PTPRK: variants seen among roughly 807,000 people sequenced by gnomAD.
PTPRK encodes the protein protein tyrosine phosphatase receptor type K.
Under a neutral mutation model 178.0 loss-of-function variants are expected in PTPRK, and 75 were observed. The ratio of observed to expected loss-of-function variants is 0.42; its 90% CI spans 0.35 to 0.51. PTPRK has a LOEUF of 0.51. Ranked by LOEUF, PTPRK falls within the 20% of genes least tolerant of loss-of-function variation. PTPRK has a pLI of 0.02. For synonymous variants in PTPRK, 637 were observed against 620.6 expected (o/e 1.03, Z -0.39); for missense variants, 1,441 against 1,797.8 (o/e 0.80, Z 3.59).
At chr6:128,010,371 A>T (rs1415568383) in intron 13 of PTPRK, among the ~76,000 whole-genome samples, 2 of 151,230 alleles carry the variant, frequency 1.3e-5, no homozygotes, top group Admixed American at 1.3e-4. Flanking sequence ...TACGCAAAGA[A>T]ATCTCTAAAC....
intron 3 of PTPRK, among the ~76,000 whole-genome samples, chr6:128,288,345 C>A (rs376910411): frequency 6.6e-6 from 1 of 152,096 alleles, no homozygotes; most frequent in Non-Finnish European, 1.5e-5. Flanking sequence ...TACATCTATA[C>A]GCTTTGGATA....
At chr6:128,458,825 T>A (rs1434026674) in intron 1 of PTPRK, among the ~76,000 whole-genome samples, 1 of 152,190 alleles carries the variant, frequency 6.6e-6, no homozygotes, top group Non-Finnish European at 1.5e-5. Flanking sequence ...TGCTTACATA[T>A]GTGAAAGAAA....
intron 7 of PTPRK, among the ~76,000 whole-genome samples, chr6:128,125,771 G>C (rs1272258344): frequency 6.6e-6 from 1 of 151,478 alleles, no homozygotes; most frequent in Non-Finnish European, 1.5e-5. Context: ...CACCATACCT[G>C]GCTAATTTTT....
At position 127,969,409 on chromosome 6, in the gene PTPRK, G is replaced by A. The variant is rs1489695364; in HGVS notation, c.*818C>T. ...ATTTAATTCACAAGCATGTACACAA[G>A]AGAATCACTATAAAGAACATTGCTT... On this transcript the variant is annotated 3_prime_UTR_variant, in exon 30 of 30. Transcript: ENST00000368226. 6.6e-6 allele frequency: 1 copy of A among 152,088 alleles called. No individual in the cohort carries two copies. Among genetic ancestry groups the A allele is most frequent in the Non-Finnish European group, 1.5e-5 (1 of 68,012 alleles). 9.4% of individuals were successfully genotyped at this position (152,088 alleles called of 1,614,324 possible). A position where few individuals can be genotyped will look rare whatever the true frequency, so the allele number is the denominator to read the frequency against.
Position 127,970,141 on chromosome 6 carries a change from CT to C in PTPRK, c.*85del, listed in dbSNP as rs1377319166. 1 of 1,067,312 alleles carries C rather than the reference CT, an allele frequency of 9.4e-7. No individual in the cohort carries two copies. The highest frequency in any genetic ancestry group is 1.6e-5 in the African/African-American group (1 of 61,210). The allele number at this position is 1,067,312 out of a possible 1,614,324, so 66.1% of individuals were successfully genotyped here. On this transcript the variant is annotated 3_prime_UTR_variant, in exon 30 of 30. Transcript: ENST00000368226. Reference sequence around the variant, plus strand: ...TCCCACCCCCCACATTAAAATCTTTCTGCACAAGTGTAACAGGTACAACAGC... The same window carrying C: ...TCCCACCCCCCACATTAAAATCTTTCGCACAAGTGTAACAGGTACAACAGC...
chr6:128,237,179 C>T (rs1813446036), intron 5 of PTPRK, among the ~76,000 whole-genome samples: 1 of 152,112 alleles, frequency 6.6e-6, no homozygotes, highest in Non-Finnish European at 1.5e-5. Context: ...GGCTGTTTTT[C>T]TAGTCTTTGT....
chr6:128,246,058 T>C lies in PTPRK; in HGVS notation c.496-3456A>G, dbSNP rs145715602. 4.4e-3 allele frequency among the ~76,000 whole-genome samples: 673 copies of C among 152,320 alleles called. 4 individuals are homozygous for C. Among genetic ancestry groups the C allele is most frequent in the African/African-American group, 0.015 (632 of 41,576 alleles). ...GTGCTATCTAAACTAAAAGGTGTGA[T>C]TGTCAACAGTGTAATACCTGAAGTC... On this transcript the variant is annotated intron_variant, in intron 3 of 29. Transcript: ENST00000368226.
intron 7 of PTPRK, among the ~76,000 whole-genome samples, chr6:128,119,959 T>C (rs1202933455): frequency 6.6e-6 from 1 of 151,972 alleles, no homozygotes; most frequent in Non-Finnish European, 1.5e-5. Context: ...TCTCTTTGTA[T>C]TAAAAATAAG....
chr6:128,164,407 T>C (rs1799105978), intron 7 of PTPRK, among the ~76,000 whole-genome samples: 1 of 151,324 alleles, frequency 6.6e-6, no homozygotes, highest in East Asian at 1.9e-4. Context: ...CTTCACCTAC[T>C]GGTTGTATAG....
intron 2 of PTPRK, among the ~76,000 whole-genome samples, chr6:128,333,249 T>C (rs1424563155): frequency 1.3e-5 from 2 of 152,176 alleles, no homozygotes; most frequent in African/African-American, 4.8e-5. Flanking sequence ...ACCTGTTGTC[T>C]GGATATACTT....
chr6:128,463,594 G>C (rs979501667), intron 1 of PTPRK, among the ~76,000 whole-genome samples: 2 of 152,034 alleles, frequency 1.3e-5, no homozygotes, highest in Non-Finnish European at 2.9e-5. Context: ...TATAAAACAA[G>C]TTTATACTTT....
At chr6:128,340,927 C>A in intron 2 of PTPRK, 1 of 239,712 alleles carries the variant, frequency 4.2e-6, no homozygotes, top group East Asian at 1.4e-4. Flanking sequence ...TAGTACATTC[C>A]AAAATAACAG....
At chr6:128,286,216 T>A (rs1822482401) in intron 3 of PTPRK, among the ~76,000 whole-genome samples, 1 of 152,172 alleles carries the variant, frequency 6.6e-6, no homozygotes, top group Non-Finnish European at 1.5e-5. Context: ...TGTTGTTTTC[T>A]TTACATTTAC....
intron 1 of PTPRK, among the ~76,000 whole-genome samples, chr6:128,456,519 A>T (rs1263814163): frequency 6.6e-6 from 1 of 151,310 alleles, no homozygotes; most frequent in Non-Finnish European, 1.5e-5. Flanking sequence ...AAAATGACAT[A>T]AAAAAAGGAA....
At chr6:128,191,093 C>T (rs970241525) in intron 6 of PTPRK, among the ~76,000 whole-genome samples, 1 of 152,032 alleles carries the variant, frequency 6.6e-6, no homozygotes, top group Non-Finnish European at 1.5e-5. Flanking sequence ...GAAATAAGCA[C>T]ACATGATTTC....
chr6:128,158,835 A>T (rs2114595707), intron 7 of PTPRK, among the ~76,000 whole-genome samples: 1 of 152,056 alleles, frequency 6.6e-6, no homozygotes, highest in East Asian at 1.9e-4. Context: ...TCATTTGAAT[A>T]GGAAGCTTGT....
chr6:128,383,648 C>T (rs1196146152), intron 2 of PTPRK, among the ~76,000 whole-genome samples: 8 of 152,108 alleles, frequency 5.3e-5, no homozygotes, highest in Non-Finnish European at 7.4e-5. Flanking sequence ...TTGAGCTATT[C>T]ATAAAACAGT....
intron 13 of PTPRK, among the ~76,000 whole-genome samples, chr6:128,021,418 C>T (rs1203027264): frequency 1.3e-5 from 2 of 152,182 alleles, no homozygotes; most frequent in South Asian, 2.1e-4. Context: ...TGGTGGATCA[C>T]GAGGTCAGGA....
intron 6 of PTPRK, among the ~76,000 whole-genome samples, chr6:128,205,562 A>G (rs1160780129): frequency 1.3e-5 from 2 of 152,014 alleles, no homozygotes; most frequent in Non-Finnish European, 2.9e-5. Flanking sequence ...GGTCCAGGTC[A>G]GGAGTTTGAG....
Sources: gnomAD v4.1 joint callset for allele counts (sites outside exome capture counted in the v4.1 genomes callset) on GRCh38, gnomAD v4.1.1 for gene constraint, MANE v1.5 for transcripts, NCBI Gene and HGNC (gene_info 2026-07-23, HGNC 2026-07-21) for gene names.